Variants in MIER1 observed in about 807,000 individuals in gnomAD.
MIER1 encodes the protein mesoderm induction early response protein 1.
In MIER1, 40 loss-of-function variants were observed where a neutral mutation model predicts 75.7. The observed-to-expected ratio is 0.53, with a 90% CI of 0.41 to 0.69. The LOEUF (loss-of-function observed/expected upper bound fraction) is 0.69, where lower values mean the gene tolerates loss of function less well. Among genes scored for constraint, MIER1 ranks in the 30% least tolerant of loss-of-function variants. The pLI, the probability that MIER1 is intolerant of heterozygous loss-of-function variation, is 0.00. For missense variants in MIER1, 574 were observed against 680.2 expected (o/e 0.84, Z 1.74); for synonymous variants, 213 against 223.4 (o/e 0.95, Z 0.42).
At chr1:66,956,409 G>A (rs1051945880) in intron 4 of MIER1, among the ~76,000 whole-genome samples, 1 of 152,102 alleles carries the variant, frequency 6.6e-6, no homozygotes, top group Admixed American at 6.5e-5. Context: ...GCAAGATCCT[G>A]TCTCAAAAAA....
chr1:66,975,983 C>CT (rs202162173), intron 11 of MIER1, among the ~76,000 whole-genome samples: 2,980 of 141,920 alleles, frequency 0.021, 94 homozygotes, highest in African/African-American at 0.071. Flanking sequence ...ACTTCCAGGC[C>CT]TTTTTTTTGT....
In MIER1 at chr1:66,925,390, G is replaced by T. The variant is rs893467894; in HGVS notation, c.67+295G>T. On this transcript the variant is annotated intron_variant, in intron 1 of 13. Coordinates refer to ENST00000401041, the MANE Select transcript of MIER1 (RefSeq NM_001077700.3). ...TGGGAATCCGCTGCGGAGTGAGTTC[G>T]CCTCGCCCCGTTCGCTTCGGTCCCT... 1.5e-5 allele frequency: 15 copies of T among 985,316 alleles called. No homozygotes were observed. In the African/African-American group the frequency reaches 2.6e-4, roughly 17 times the overall value. The allele number at this position is 985,316 out of a possible 1,614,324, so 61.0% of individuals were successfully genotyped here.
In MIER1 at chr1:66,979,825, C is replaced by T. The variant is rs569556062; in HGVS notation, c.1230-1954C>T. On this transcript the variant is annotated intron_variant, in intron 12 of 13. Coordinates refer to ENST00000401041, the MANE Select transcript of MIER1 (RefSeq NM_001077700.3). The stretch of plus-strand genomic sequence containing the variant: ...TGCCCAGGCTGCTGGAGTACAGTGG[C>T]GCAATCTCGGCTCACTGCAACCTCC... Among the ~76,000 whole-genome samples the T allele has an allele frequency of 1.9e-4, 28 of 151,084 alleles. No homozygotes were observed. In the East Asian group the frequency reaches 1.9e-3, roughly 10 times the overall value.
intron 7 of MIER1, among the ~76,000 whole-genome samples, chr1:66,962,013 A>G (rs1044739112): frequency 1.3e-5 from 2 of 152,232 alleles, no homozygotes; most frequent in African/African-American, 4.8e-5. Context: ...CCAAATCCTA[A>G]GAGTTACCAA....
rs919549377 is a variant in MIER1, at chr1:66,981,684, G to A, written c.1230-95G>A. 5.6e-6 allele frequency: 5 copies of A among 894,896 alleles called. No individual in the cohort carries two copies. In the African/African-American group the frequency reaches 8.4e-5, roughly 15 times the overall value. 55.4% of individuals were successfully genotyped at this position (894,896 alleles called of 1,614,324 possible). A position where few individuals can be genotyped will look rare whatever the true frequency, so the allele number is the denominator to read the frequency against. ...TGGAATGAATGTTAAGTGAATATTA[G>A]GATATATTTGTTAAGAAAGCCTTCT... On this transcript the variant is annotated intron_variant, in intron 12 of 13. Transcript: ENST00000401041.
At chr1:66,959,621 T>C (rs1660844430) in intron 6 of MIER1, 58 bp from the exon 7 acceptor site, 4 of 805,650 alleles carry the variant, frequency 5.0e-6, no homozygotes, top group African/African-American at 3.7e-5. Flanking sequence ...AAAAATAATA[T>C]GTAGATTTAG....
chr1:66,966,508 G>A (rs542746402), intron 8 of MIER1, among the ~76,000 whole-genome samples: 9 of 152,206 alleles, frequency 5.9e-5, no homozygotes, highest in Non-Finnish European at 1.3e-4. Flanking sequence ...GTGTGCATGT[G>A]TCTTTATAGC....
intron 8 of MIER1, among the ~76,000 whole-genome samples, chr1:66,970,524 G>C (rs1196577137): frequency 6.6e-6 from 1 of 152,160 alleles, no homozygotes; most frequent in African/African-American, 2.4e-5. Flanking sequence ...CATGTAATAA[G>C]TGGTAGAGAT....
intron 11 of MIER1, among the ~76,000 whole-genome samples, chr1:66,974,879 TCATAATCTTAACTTTG>T (rs1664388145): frequency 6.6e-6 from 1 of 152,242 alleles, no homozygotes; most frequent in African/African-American, 2.4e-5. Context: ...TGAAGATTTT[TCATAATCTTAACTTTG>T]CATGCCCCAA....
chr1:66,950,542 G>T (rs1024170026), intron 4 of MIER1, among the ~76,000 whole-genome samples: 2 of 152,090 alleles, frequency 1.3e-5, no homozygotes, highest in African/African-American at 4.8e-5. Flanking sequence ...GATCAAGATT[G>T]CAATATATTT....
chr1:66,926,071 C>T (rs1302475535), intron 1 of MIER1, 71 bp from the exon 2 acceptor site: 2 of 1,204,934 alleles, frequency 1.7e-6, no homozygotes, highest in Non-Finnish European at 2.4e-6. Flanking sequence ...AAATGCGAAA[C>T]AGGGTGGATG....
intron 12 of MIER1, among the ~76,000 whole-genome samples, chr1:66,979,405 A>G (rs1473834797): frequency 1.3e-5 from 2 of 152,218 alleles, no homozygotes; most frequent in Non-Finnish European, 2.9e-5. Flanking sequence ...GTTCACCAGG[A>G]TGAAACACAT....
chr1:66,953,502 T>G (rs575866939), intron 4 of MIER1, among the ~76,000 whole-genome samples: 1 of 152,332 alleles, frequency 6.6e-6, no homozygotes, highest in East Asian at 1.9e-4. Context: ...TGATGATTTT[T>G]TCTTTGTTGC....
In MIER1 at chr1:66,985,111, T is replaced by C. The variant is rs1351385833; in HGVS notation, c.*211T>C. 2 of 1,223,404 alleles carry C rather than the reference T, an allele frequency of 1.6e-6. No homozygotes were observed. Among genetic ancestry groups the C allele is most frequent in the Non-Finnish European group, 1.0e-6 (1 of 972,694 alleles). The allele number at this position is 1,223,404 out of a possible 1,614,324, so 75.8% of individuals were successfully genotyped here. ...ACTCTTTTAAGGGTATTTTAAAAATTAGTAAATTTGAATGAACTAAAGATA... is the reference window on the plus strand; with the variant it reads ...ACTCTTTTAAGGGTATTTTAAAAATCAGTAAATTTGAATGAACTAAAGATA... On this transcript the variant is annotated 3_prime_UTR_variant, in exon 14 of 14. Transcript: ENST00000401041.
At chr1:66,978,263 C>G (rs938777257) in intron 12 of MIER1, among the ~76,000 whole-genome samples, 2 of 148,356 alleles carry the variant, frequency 1.3e-5, no homozygotes, top group African/African-American at 4.9e-5. Context: ...CTAAACTGCA[C>G]TGTTTCTTGA....
Position 66,986,528 on chromosome 1 carries a change from G to T in MIER1, c.*1628G>T. ...AACTGTCTGATGTAATTGAGTGAAG[G>T]TTTGCACTGAGAAATTAGCATTCAG... On this transcript the variant is annotated 3_prime_UTR_variant, in exon 14 of 14. Transcript: ENST00000401041. The T allele has an allele frequency of 7.6e-7, 1 of 1,310,362 alleles. No homozygotes were observed. The highest frequency in any genetic ancestry group is 1.1e-6 in the Non-Finnish European group (1 of 917,820). 81.2% of individuals were successfully genotyped at this position (1,310,362 alleles called of 1,614,324 possible). A position where few individuals can be genotyped will look rare whatever the true frequency, so the allele number is the denominator to read the frequency against.
At chr1:66,953,107 G>A (rs755844628) in intron 4 of MIER1, among the ~76,000 whole-genome samples, 1 of 152,136 alleles carries the variant, frequency 6.6e-6, no homozygotes, top group African/African-American at 2.4e-5. Context: ...CCAAATCTAC[G>A]GCCAGGGAAT....
At chr1:66,951,731 C>T (rs1659010177) in intron 4 of MIER1, among the ~76,000 whole-genome samples, 1 of 152,146 alleles carries the variant, frequency 6.6e-6, no homozygotes, top group Non-Finnish European at 1.5e-5. Flanking sequence ...AAGTGCATGC[C>T]ACCGTGCCTG....
intron 3 of MIER1, among the ~76,000 whole-genome samples, chr1:66,942,695 A>G (rs1262160741): frequency 6.6e-6 from 1 of 152,162 alleles, no homozygotes; most frequent in East Asian, 1.9e-4. Flanking sequence ...AAGAAGTCAG[A>G]TAGAACAGGT....
Sources: allele counts gnomAD v4.1 joint callset (sites outside exome capture counted in the v4.1 genomes callset), GRCh38; gene constraint gnomAD v4.1.1; transcripts MANE v1.5; gene names NCBI Gene and HGNC (gene_info 2026-07-23, HGNC 2026-07-21).